The following RIMS2 variants were observed in gnomAD, a reference collection of about 807,000 sequenced individuals.
RIMS2 encodes regulating synaptic membrane exocytosis protein 2.
Under a neutral mutation model 174.4 loss-of-function variants are expected in RIMS2, and 59 were observed. The ratio of observed to expected loss-of-function variants is 0.34; its 90% CI spans 0.27 to 0.42. The LOEUF (loss-of-function observed/expected upper bound fraction) is 0.42. Among genes scored for constraint, RIMS2 ranks in the 10% least tolerant of loss-of-function variants. The probability of loss-of-function intolerance (pLI) is 1.00; values close to 1 mark genes in which losing one functional copy is unlikely to be tolerated. For missense variants in RIMS2, 1,620 were observed against 1,666.3 expected (o/e 0.97, Z 0.48); for synonymous variants, 606 against 572.5 (o/e 1.06, Z -0.84).
At chr8:104,040,832 T>C (rs1473920144) in intron 19 of RIMS2, among the ~76,000 whole-genome samples, 4 of 151,738 alleles carry the variant, frequency 2.6e-5, no homozygotes, top group Admixed American at 2.6e-4. Context: ...ACTGGTTTAC[T>C]GGGGAAACAT....
At position 103,784,795 on chromosome 8, in the gene RIMS2, A is replaced by G. The variant is rs1277282730; in HGVS notation, c.698+18258A>G. On this transcript the variant is annotated intron_variant, in intron 3 of 23. Coordinates refer to ENST00000504942, the Ensembl canonical transcript of RIMS2. The stretch of plus-strand genomic sequence containing the variant: ...ATGAACTTTAAAGTAGTTTTTTCCA[A>G]TTCTGTGAAGAAAGGCATTGGTAGC... 2.0e-4 allele frequency among the ~76,000 whole-genome samples: 20 copies of G among 98,740 alleles called. 1 individual carries two copies. The highest frequency in any genetic ancestry group is 7.5e-4 in the African/African-American group (18 of 23,860). 64.8% of individuals were successfully genotyped at this position (98,740 alleles called of 152,430 possible). A position where few individuals can be genotyped will look rare whatever the true frequency, so the allele number is the denominator to read the frequency against.
chr8:103,580,780 C>A (rs192497912), intron 1 of RIMS2, among the ~76,000 whole-genome samples: 1 of 151,172 alleles, frequency 6.6e-6, no homozygotes, highest in Non-Finnish European at 1.5e-5. Context: ...GAACTAATAC[C>A]ATGTCTACTC....
chr8:103,559,773 C>A (rs2091282435), intron 1 of RIMS2, among the ~76,000 whole-genome samples: 1 of 152,176 alleles, frequency 6.6e-6, no homozygotes, highest in Non-Finnish European at 1.5e-5. Context: ...AGTTAGCCTG[C>A]CGTGGTTTCA....
intron 2 of RIMS2, among the ~76,000 whole-genome samples, chr8:103,700,300 C>G (rs1265359540): frequency 6.6e-6 from 1 of 152,134 alleles, no homozygotes; most frequent in Non-Finnish European, 1.5e-5. Flanking sequence ...TAACAGGCCT[C>G]TTTATCATTA....
At chr8:103,839,847 A>C (rs2098929192) in intron 3 of RIMS2, among the ~76,000 whole-genome samples, 1 of 152,228 alleles carries the variant, frequency 6.6e-6, no homozygotes, top group Non-Finnish European at 1.5e-5. Flanking sequence ...GTTTCTATGA[A>C]TATGTAGCGC....
chr8:104,176,455 T>C (rs1296143199), intron 19 of RIMS2, among the ~76,000 whole-genome samples: 2 of 152,110 alleles, frequency 1.3e-5, no homozygotes, highest in Non-Finnish European at 2.9e-5. Context: ...CAAATCATAG[T>C]GGGCATGGTT....
rs572554694 is a variant in RIMS2 at position 104,202,914 on chromosome 8, A to G, written c.3335-42002A>G. Among the ~76,000 whole-genome samples, 6 of 152,368 alleles carry G rather than the reference A, an allele frequency of 3.9e-5. No individual in the cohort carries two copies. In the South Asian group the frequency reaches 1.2e-3, roughly 32 times the overall value. ...TAGGAATAAGTATGGAATAAAATGT[A>G]AAGGATAGTGTCTCCACTTAAAGAC... On this transcript the variant is annotated intron_variant, in intron 19 of 23. Transcript: ENST00000504942.
chr8:104,207,797 G>A (rs1345259688), intron 19 of RIMS2, among the ~76,000 whole-genome samples: 1 of 150,794 alleles, frequency 6.6e-6, no homozygotes, highest in Non-Finnish European at 1.5e-5. Flanking sequence ...TGGACAACAA[G>A]AGCAAAACTC....
Position 104,071,716 on chromosome 8 carries a change from A to C in RIMS2, c.3334+57101A>C, listed in dbSNP as rs141140947. ...CTCCCAAAGTGCTGGGATTACAGGCATGAGCCACCACGCCCGGCCGGGTCC... is the reference window on the plus strand; with the variant it reads ...CTCCCAAAGTGCTGGGATTACAGGCCTGAGCCACCACGCCCGGCCGGGTCC... On this transcript the variant is annotated intron_variant, in intron 19 of 23. Transcript: ENST00000504942. Among the ~76,000 whole-genome samples, 6 of 152,244 alleles carry C rather than the reference A, an allele frequency of 3.9e-5. No homozygotes were observed. In the East Asian group the frequency reaches 7.8e-4, roughly 20 times the overall value.
At chr8:103,582,733 T>C (rs558144717) in intron 1 of RIMS2, among the ~76,000 whole-genome samples, 1 of 152,162 alleles carries the variant, frequency 6.6e-6, no homozygotes, top group African/African-American at 2.4e-5. Flanking sequence ...GTGGAAAGGA[T>C]TGTGTCTTAT....
intron 17 of RIMS2, among the ~76,000 whole-genome samples, chr8:104,007,159 G>T (rs1031125773): frequency 1.2e-4 from 19 of 152,010 alleles, no homozygotes; most frequent in Non-Finnish European, 1.6e-4. Context: ...AACATTGTTT[G>T]TATGCTTCTG....
intron 19 of RIMS2, among the ~76,000 whole-genome samples, chr8:104,134,027 TTATA>T (rs1323925514): frequency 1.3e-5 from 2 of 152,104 alleles, no homozygotes; most frequent in African/African-American, 4.8e-5. Flanking sequence ...AATTTGGAGA[TTATA>T]TATATTTACA....
intron 4 of RIMS2, among the ~76,000 whole-genome samples, chr8:103,895,435 C>A (rs1030572707): frequency 1.3e-5 from 2 of 151,376 alleles, no homozygotes; most frequent in Non-Finnish European, 2.9e-5. Flanking sequence ...TTTGCTGTAT[C>A]CTTACATGAT....
chr8:104,159,159 TC>T (rs1448705973), intron 19 of RIMS2, among the ~76,000 whole-genome samples: 8 of 152,190 alleles, frequency 5.3e-5, no homozygotes, highest in Admixed American at 5.2e-4. Flanking sequence ...AGGAATCCTT[TC>T]CCCATTGCTT....
intron 19 of RIMS2, among the ~76,000 whole-genome samples, chr8:104,204,656 A>C (rs1377223345): frequency 6.6e-6 from 1 of 152,182 alleles, no homozygotes; most frequent in Non-Finnish European, 1.5e-5. Context: ...AAAAAAAATT[A>C]CTTGACATTT....
At chr8:104,229,578 G>A (rs976013584) in intron 19 of RIMS2, among the ~76,000 whole-genome samples, 2 of 152,278 alleles carry the variant, frequency 1.3e-5, no homozygotes, top group Middle Eastern at 3.4e-3. Flanking sequence ...GAACCCATGA[G>A]CATTCTTTTC....
chr8:104,012,556 A>T (rs1216797381), intron 17 of RIMS2, among the ~76,000 whole-genome samples: 1 of 152,028 alleles, frequency 6.6e-6, no homozygotes, highest in Non-Finnish European at 1.5e-5. Context: ...ATACTTTGAC[A>T]TATGTTTTAC....
At chr8:103,946,753 T>A (rs2083904670) in intron 14 of RIMS2, among the ~76,000 whole-genome samples, 1 of 152,136 alleles carries the variant, frequency 6.6e-6, no homozygotes, top group South Asian at 2.1e-4. Context: ...TTTGCTGAAA[T>A]TAGTAAGCAG....
intron 1 of RIMS2, chr8:103,568,464 A>G (rs1383714252): frequency 3.6e-5 from 8 of 225,176 alleles, no homozygotes; most frequent in Non-Finnish European, 7.2e-5. Context: ...AACTGTTGGT[A>G]AGGCTTACCA....
Sources: allele counts gnomAD v4.1 joint callset (sites outside exome capture counted in the v4.1 genomes callset), GRCh38; gene constraint gnomAD v4.1.1; transcripts MANE v1.5; gene names NCBI Gene and HGNC (gene_info 2026-07-23, HGNC 2026-07-21).